NKAPD1: variants seen among roughly 807,000 people sequenced by gnomAD.
The protein encoded by NKAPD1 is NKAP domain containing 1, also known as uncharacterized protein NKAPD1.
A neutral mutation model predicts 30.9 loss-of-function variants in NKAPD1; 12 were observed. The observed-to-expected ratio is 0.39, with a 90% confidence interval of 0.25 to 0.63. NKAPD1 has a LOEUF of 0.63. Ranked by LOEUF, NKAPD1 falls within the 20% of genes least tolerant of loss-of-function variation. The pLI, the probability that NKAPD1 is intolerant of heterozygous loss-of-function variation, is 0.51. For missense variants in NKAPD1, 311 were observed against 344.5 expected, an observed-to-expected ratio of 0.90 and a Z score of 0.77; for synonymous variants, 91 against 113.6, an observed-to-expected ratio of 0.80 and a Z score of 1.26.
rs376799886 is a variant in NKAPD1 at position 112,082,870 on chromosome 11, T to C, written c.780T>C (p.His260=). Reference sequence around the variant, plus strand: ...GGAAAAAGAGAGAGAAAAAAGCCCATACCTCTGTAGCCAACAATGAAATAC... The same window carrying C: ...GGAAAAAGAGAGAGAAAAAAGCCCACACCTCTGTAGCCAACAATGAAATAC... ...TKRKKREKKA[H]TSVANNEIQE... Residue 260 remains histidine (H), a synonymous_variant, in exon 6 of 6, where the codon CAT becomes CAC. Coordinates refer to ENST00000393047, the MANE Select transcript of NKAPD1 (RefSeq NM_018195.4). The C allele has an allele frequency of 5.0e-6, 8 of 1,613,786 alleles. No homozygotes were observed. In the African/African-American group the frequency reaches 8.0e-5, roughly 16 times the overall value.
rs1278952192 is a variant in NKAPD1, at chr11:112,084,733, G to C, written c.*1761G>C. On this transcript the variant is annotated 3_prime_UTR_variant, in exon 6 of 6. Coordinates refer to ENST00000393047, the MANE Select transcript of NKAPD1 (RefSeq NM_018195.4). ...CATCTCCAGGAAATTGGCTCTATTT[G>C]GGTCCTGACCTTCCCTTCCTCCCAA... 6.6e-6 allele frequency: 1 copy of C among 151,686 alleles called. No homozygotes were observed. Among genetic ancestry groups the C allele is most frequent in the Non-Finnish European group, 1.5e-5 (1 of 67,986 alleles). The allele number at this position is 151,686 out of a possible 1,614,324, so 9.4% of individuals were successfully genotyped here.
At chr11:112,082,178 C>T (rs1281325913) in intron 5 of NKAPD1, 143 bp downstream of exon 5, 1 of 762,826 alleles carries the variant, frequency 1.3e-6, no homozygotes, top group Non-Finnish European at 2.1e-6. Flanking sequence ...GGAGGTGATC[C>T]CTGTTTTCCC....
At position 112,080,531 on chromosome 11, in the gene NKAPD1, A is replaced by G. The variant is rs763862584; in HGVS notation, c.293A>G (p.Tyr98Cys). 40 of 1,613,834 alleles carry G rather than the reference A, an allele frequency of 2.5e-5. No individual in the cohort carries two copies. The East Asian group carries it at 7.1e-4, about 29-fold the overall frequency. ...GCTAAATCCTGGAATAAAAAGTTCT[A>G]TGATTATGAAGCAAACATGCCAGAC... ...LKAKSWNKKF[Y>C]DYEANMPDRW... Residue 98 changes from tyrosine to cysteine, a missense_variant, in exon 4 of 6, where the codon TAT (tyrosine) becomes TGT (cysteine). Coordinates refer to ENST00000393047, the MANE Select transcript of NKAPD1 (RefSeq NM_018195.4).
chr11:112,075,777 GAAATA>G, intron 2 of NKAPD1, 134 bp downstream of exon 2: 1 of 781,828 alleles, frequency 1.3e-6, no homozygotes, highest in South Asian at 1.7e-5. Flanking sequence ...TACACAGTAG[GAAATA>G]AAATGATGAA....
intron 4 of NKAPD1, chr11:112,081,342 A>G (rs1442026653): frequency 6.6e-6 from 1 of 151,304 alleles, no homozygotes; most frequent in African/African-American, 2.4e-5. Context: ...AAAGAAAAAA[A>G]TAATAATAAG....
chr11:112,078,331 T>C lies in NKAPD1; in HGVS notation c.170+16T>C. On this transcript the variant is annotated intron_variant, in intron 3 of 5. Coordinates refer to ENST00000393047, the MANE Select transcript of NKAPD1 (RefSeq NM_018195.4). ...GCAGTTCAAGGTGAAGTTGCAGCTC[T>C]GAGAACTAAAATAATTCTCATCTTT... 1 of 1,551,842 alleles carries C rather than the reference T, an allele frequency of 6.4e-7. No homozygotes were observed. Among genetic ancestry groups the C allele is most frequent in the South Asian group, 1.1e-5 (1 of 87,330 alleles).
chr11:112,074,968 A>G (rs1188804398), intron 1 of NKAPD1, 52 bp downstream of exon 1: 1 of 157,380 alleles, frequency 6.4e-6, no homozygotes, highest in African/African-American at 2.4e-5. Context: ...TACACACGAA[A>G]ATATTCTTGT....
Position 112,078,285 on chromosome 11 carries a change from C to T in NKAPD1, c.140C>T (p.Thr47Ile). The T allele has an allele frequency of 6.2e-7, 1 of 1,612,234 alleles. No individual in the cohort carries two copies. Among genetic ancestry groups the T allele is most frequent in the South Asian group, 1.1e-5 (1 of 90,820 alleles). The change falls in exon 3 of 6, where the codon ACC becomes ATC. Residue 47 changes from threonine to isoleucine, a missense_variant. Transcript: ENST00000393047. ...EKQMEDAYRG[T>I]KRKMLPSSSS... The stretch of plus-strand genomic sequence containing the variant: ...CAGATGGAAGATGCTTACCGGGGGA[C>T]CAAAAGGAAAATGCTACCCAGCAGT...
At chr11:112,080,596 T>G (rs963903748) in intron 4 of NKAPD1, 38 bp downstream of exon 4, 1 of 1,603,308 alleles carries the variant, frequency 6.2e-7, no homozygotes, top group African/African-American at 1.3e-5. Context: ...ATATTTGGCC[T>G]GAGAACGTGT....
rs1865502378 is a variant in NKAPD1 at position 112,083,304 on chromosome 11, T to C, written c.*332T>C. 1.7e-5 allele frequency: 3 copies of C among 180,054 alleles called. No individual in the cohort carries two copies. Among genetic ancestry groups the C allele is most frequent in the Admixed American group, 5.8e-5 (1 of 17,146 alleles). The allele number at this position is 180,054 out of a possible 1,614,324, so 11.2% of individuals were successfully genotyped here. A position where few individuals can be genotyped will look rare whatever the true frequency, so the allele number is the denominator to read the frequency against. On this transcript the variant is annotated 3_prime_UTR_variant, in exon 6 of 6. Coordinates refer to ENST00000393047, the MANE Select transcript of NKAPD1 (RefSeq NM_018195.4). ...TGACCTGGGTACACCAATCGGAATA[T>C]TGAATTTGGGGAAGTCAAGGGCTGG... is the stretch of plus-strand genomic sequence containing the variant.
Position 112,080,459 on chromosome 11 carries a change from G to A in NKAPD1, c.221G>A (p.Arg74Lys). ...FDEESQRYYW[R>K]PKNEISGTLE... is the part of the protein sequence containing the mutation. ...GAAGAAAGTCAAAGATACTATTGGA[G>A]GCCAAAGAATGAAATTTCTGGGACA... The change falls in exon 4 of 6, where the codon AGG (arginine) becomes AAG (lysine). Residue 74 changes from arginine to lysine, a missense_variant. Arg to Lys is a conservative substitution (Grantham distance 26, BLOSUM62 2). Transcript: ENST00000393047. 6.2e-7 allele frequency: 1 copy of A among 1,613,966 alleles called. No individual in the cohort carries two copies. Among genetic ancestry groups the A allele is most frequent in the South Asian group, 1.1e-5 (1 of 91,078 alleles).
rs773589280 is a variant in NKAPD1 at position 112,082,921 on chromosome 11, T to C, written c.831T>C (p.Asn277=). 1 of 1,606,804 alleles carries C rather than the reference T, an allele frequency of 6.2e-7. No individual in the cohort carries two copies. Among genetic ancestry groups the C allele is most frequent in the East Asian group, 2.2e-5 (1 of 44,846 alleles). Residue 277 remains asparagine, a synonymous_variant, in exon 6 of 6, where the codon AAT becomes AAC. Coordinates refer to ENST00000393047, the MANE Select transcript of NKAPD1 (RefSeq NM_018195.4). ...EIQERTNKRT[N]WKVATDERSA... is the part of the protein sequence containing the mutation. Reference sequence around the variant, plus strand: ...AGGAGAGGACAAACAAACGCACAAATTGGAAAGTAGCTACAGATGAAAGGT... The same window carrying C: ...AGGAGAGGACAAACAAACGCACAAACTGGAAAGTAGCTACAGATGAAAGGT...
At position 112,082,833 on chromosome 11, in the gene NKAPD1, A is replaced by C; in HGVS notation, c.743A>C (p.Lys248Thr). Reference protein sequence around the residue: ...SSEESEERDTKKTKRKKREKK... With the variant: ...SSEESEERDTTKTKRKKREKK... ...GAGGAAAGTGAGGAAAGAGACACTAAGAAAACCAAAAGGAAAAAGAGAGAG... is the reference window on the plus strand; with the variant it reads ...GAGGAAAGTGAGGAAAGAGACACTACGAAAACCAAAAGGAAAAAGAGAGAG... Residue 248 changes from lysine to threonine, a missense_variant, in exon 6 of 6, where the codon AAG (lysine) becomes ACG (threonine). Coordinates refer to ENST00000393047, the MANE Select transcript of NKAPD1 (RefSeq NM_018195.4). 6.2e-7 allele frequency: 1 copy of C among 1,614,030 alleles called. No homozygotes were observed. Among genetic ancestry groups the C allele is most frequent in the Non-Finnish European group, 8.5e-7 (1 of 1,179,980 alleles).
Position 112,074,433 on chromosome 11 carries a change from G to T in NKAPD1, c.-492G>T. On this transcript the variant is annotated 5_prime_UTR_variant, in exon 1 of 6. Transcript: ENST00000393047. ...GGTTACCGGGAGCTCCGAGGCCGCT[G>T]GGGAACAGGGATCCCGGTGACAAAG... 1 of 399,290 alleles carries T rather than the reference G, an allele frequency of 2.5e-6. No individual in the cohort carries two copies. Among genetic ancestry groups the T allele is most frequent in the East Asian group, 3.6e-5 (1 of 28,084 alleles). 24.7% of individuals were successfully genotyped at this position (399,290 alleles called of 1,614,324 possible).
chr11:112,076,480 C>T (rs542649009), intron 2 of NKAPD1, among the ~76,000 whole-genome samples: 11 of 152,246 alleles, frequency 7.2e-5, no homozygotes, highest in Non-Finnish European at 1.5e-4. Context: ...GGGGCATCAA[C>T]CCCCTGCATA....
chr11:112,078,574 C>T lies in NKAPD1; in HGVS notation c.170+259C>T, dbSNP rs184629793. ...ATGTGTAGGGTTCTGTGGATTCTAA[C>T]CTTACCTGATAGCTTTTAACTGAAG... is the stretch of plus-strand genomic sequence containing the variant. On this transcript the variant is annotated intron_variant, in intron 3 of 5. Transcript: ENST00000393047. Among the ~76,000 whole-genome samples, 6 of 152,300 alleles carry T rather than the reference C, an allele frequency of 3.9e-5. No individual in the cohort carries two copies. The East Asian group carries it at 5.8e-4, about 15-fold the overall frequency.
In NKAPD1 at chr11:112,083,105, G is replaced by A. The variant is rs769430712; in HGVS notation, c.*133G>A. The A allele has an allele frequency of 9.1e-5, 80 of 880,342 alleles. No homozygotes were observed. Among genetic ancestry groups the A allele is most frequent in the Non-Finnish European group, 1.2e-4 (77 of 618,680 alleles). The allele number at this position is 880,342 out of a possible 1,614,324, so 54.5% of individuals were successfully genotyped here. A position where few individuals can be genotyped will look rare whatever the true frequency, so the allele number is the denominator to read the frequency against. ...CTTGTGCCATCTGTATGTTCTGACA[G>A]ACGTCTTGTCTTCTATTTTGGCGTT... On this transcript the variant is annotated 3_prime_UTR_variant, in exon 6 of 6. Coordinates refer to ENST00000393047, the MANE Select transcript of NKAPD1 (RefSeq NM_018195.4).
chr11:112,081,103 G>C (rs1466167057), intron 4 of NKAPD1: 1 of 152,828 alleles, frequency 6.5e-6, no homozygotes, highest in African/African-American at 2.4e-5. Flanking sequence ...GAGGCGGGCG[G>C]ATCACGAGGT....
rs1865507496 is a variant in NKAPD1, at chr11:112,083,432, T to G, written c.*460T>G. On this transcript the variant is annotated 3_prime_UTR_variant, in exon 6 of 6. Coordinates refer to ENST00000393047, the MANE Select transcript of NKAPD1 (RefSeq NM_018195.4). ...GCAGGTGTCACAACTAACTTGTCTT[T>G]AGCCTTGGTGCTTTGATCCTTCTAT... 1 of 153,560 alleles carries G rather than the reference T, an allele frequency of 6.5e-6. No individual in the cohort carries two copies. Among genetic ancestry groups the G allele is most frequent in the Admixed American group, 6.5e-5 (1 of 15,388 alleles). 9.5% of individuals were successfully genotyped at this position (153,560 alleles called of 1,614,324 possible).
Sources: allele counts gnomAD v4.1 joint callset (sites outside exome capture counted in the v4.1 genomes callset), GRCh38; gene constraint gnomAD v4.1.1; transcripts MANE v1.5; gene names NCBI Gene and HGNC (gene_info 2026-07-23, HGNC 2026-07-21).